Variants in MICAL3 observed in about 807,000 individuals in gnomAD.
MICAL3 encodes [F-actin]-monooxygenase MICAL3.
A neutral mutation model predicts 207.4 loss-of-function variants in MICAL3; 62 were observed. The ratio of observed to expected loss-of-function variants is 0.30; its 90% CI spans 0.24 to 0.37. MICAL3 has a LOEUF of 0.37. MICAL3 is among the 10% of genes least tolerant of loss of function. The pLI is 1.00. For missense variants in MICAL3, 2,368 were observed against 2,635.6 expected (o/e 0.90, Z 2.22); for synonymous variants, 1,077 against 1,069.3 (o/e 1.01, Z -0.14).
intron 1 of MICAL3, among the ~76,000 whole-genome samples, chr22:17,929,797 A>G (rs1161172077): frequency 6.6e-6 from 1 of 151,884 alleles, no homozygotes; most frequent in Non-Finnish European, 1.5e-5. Context: ...CGAACTCCTG[A>G]CCTCAGGTGA....
chr22:17,865,031 A>G (rs766812331), intron 18 of MICAL3, 45 bp from the exon 19 acceptor site: 1 of 1,557,102 alleles, frequency 6.4e-7, no homozygotes, highest in South Asian at 1.2e-5. Context: ...TGACTGATGC[A>G]CTCAAATCCT....
chr22:17,995,885 G>A (rs958261112), intron 1 of MICAL3, among the ~76,000 whole-genome samples: 22 of 152,002 alleles, frequency 1.4e-4, no homozygotes, highest in South Asian at 8.3e-4. Flanking sequence ...ATGGGGCCAG[G>A]CATGGTGGCT....
rs1163470691 is a variant in MICAL3, at chr22:17,793,339, A to C, written c.5651-2038T>G. 6.6e-6 allele frequency among the ~76,000 whole-genome samples: 1 copy of C among 152,140 alleles called. No individual in the cohort carries two copies. Among genetic ancestry groups the C allele is most frequent in the Non-Finnish European group, 1.5e-5 (1 of 68,012 alleles). On this transcript the variant is annotated intron_variant, in intron 29 of 31. Coordinates refer to ENST00000441493, the MANE Select transcript of MICAL3 (RefSeq NM_015241.3). The surrounding 1 kb of genome is among the most constrained non-coding windows in gnomAD (Gnocchi z 4.1). Reference sequence around the variant, plus strand: ...AAGGGGCCCGAGGGCACTGGTGTAGATCAGTCTTTGTAAGGACAGTATTCC... The same window carrying C: ...AAGGGGCCCGAGGGCACTGGTGTAGCTCAGTCTTTGTAAGGACAGTATTCC...
At chr22:17,916,055 C>CAAAAAAAAA (rs755146574) in intron 1 of MICAL3, among the ~76,000 whole-genome samples, 3 of 57,828 alleles carry the variant, frequency 5.2e-5, no homozygotes, top group African/African-American at 1.0e-4. Context: ...GATCCAGTCT[C>CAAAAAAAAA]AAAAAAAAAA....
At position 17,817,490 on chromosome 22, in the gene MICAL3, G is replaced by A. The variant is rs764459530; in HGVS notation, c.5171C>T (p.Pro1724Leu). Residue 1724 changes from proline (P) to leucine (L), a missense_variant, in exon 26 of 32, where the codon CCC (proline) becomes CTC (leucine). Physicochemically the swap from Pro to Leu is moderately conservative, Grantham distance 98 (BLOSUM62 -3). This residue lies in a region of MICAL3 where 1,770 missense variants were observed against 1,863.2 expected (regional missense o/e 0.95). Transcript: ENST00000441493. ...GGCTTCTTCTAGGAGGTTGGAGCTG[G>A]GCTTCTCCGGGGGCCGGCCCTCGCC... ...SKGEGRPPEK[P>L]SSNLLEEAAA... The A allele has an allele frequency of 2.5e-6, 4 of 1,613,746 alleles. No homozygotes were observed. Among genetic ancestry groups the A allele is most frequent in the South Asian group, 2.2e-5 (2 of 91,072 alleles).
intron 15 of MICAL3, 128 bp from the exon 16 acceptor site, chr22:17,886,179 G>T: frequency 1.0e-6 from 1 of 956,760 alleles, no homozygotes; most frequent in Non-Finnish European, 1.6e-6. Context: ...CAAGGTTCCC[G>T]TGTCCACACA....
chr22:17,892,430 C>T (rs1299650854), intron 11 of MICAL3, among the ~76,000 whole-genome samples: 3 of 152,210 alleles, frequency 2.0e-5, no homozygotes, highest in Admixed American at 2.0e-4. Flanking sequence ...TTACCGAGGG[C>T]AACTGAAGTT....
At chr22:17,969,678 G>T (rs1243579587) in intron 1 of MICAL3, among the ~76,000 whole-genome samples, 2 of 152,208 alleles carry the variant, frequency 1.3e-5, no homozygotes, top group Non-Finnish European at 2.9e-5. Flanking sequence ...AACTTATTTT[G>T]GGACTTTGGA....
chr22:17,850,903 C>T (rs909250954), intron 19 of MICAL3, among the ~76,000 whole-genome samples: 5 of 152,158 alleles, frequency 3.3e-5, no homozygotes, highest in African/African-American at 4.8e-5. Flanking sequence ...CTCCTGAAAA[C>T]GTATTTTTCA....
chr22:18,003,158 T>TC (rs1310668150), intron 1 of MICAL3, among the ~76,000 whole-genome samples: 3 of 122,180 alleles, frequency 2.5e-5, no homozygotes, highest in Admixed American at 1.7e-4. Flanking sequence ...AGACTCCATC[T>TC]CAAAAAAAAA....
intron 27 of MICAL3, chr22:17,812,738 T>C (rs559442434): frequency 5.8e-6 from 1 of 171,546 alleles, no homozygotes; most frequent in East Asian, 1.9e-4. Flanking sequence ...GGTAGGAATC[T>C]GGGTGTGAAG....
Position 17,867,532 on chromosome 22 carries a change from C to T in MICAL3, c.2429-1520G>A, listed in dbSNP as rs369823501. ...TCTCATTCTTTAAGAAATACCCCTC[C>T]TTCCTCCATGAGACTGACAGGGGCT... On this transcript the variant is annotated intron_variant, in intron 17 of 31. Coordinates refer to ENST00000441493, the MANE Select transcript of MICAL3 (RefSeq NM_015241.3). Among the ~76,000 whole-genome samples the T allele has an allele frequency of 3.2e-4, 49 of 152,360 alleles. No individual in the cohort carries two copies. The South Asian group carries it at 8.5e-3, about 26-fold the overall frequency.
intron 19 of MICAL3, among the ~76,000 whole-genome samples, chr22:17,843,425 G>C (rs1924276723): frequency 6.6e-6 from 1 of 152,080 alleles, no homozygotes; most frequent in African/African-American, 2.4e-5. Context: ...GGTGGAGGCG[G>C]GCAACCCCAG....
At chr22:17,836,647 G>GC (rs1923405144) in intron 20 of MICAL3, among the ~76,000 whole-genome samples, 1 of 141,870 alleles carries the variant, frequency 7.0e-6, no homozygotes, top group East Asian at 2.0e-4. Flanking sequence ...TTCCTGGGTG[G>GC]TTTTTTTTTT....
chr22:17,791,551 C>T, intron 29 of MICAL3: 6 of 550,948 alleles, frequency 1.1e-5, no homozygotes, highest in Non-Finnish European at 3.3e-6. Context: ...CTTGCCCTCC[C>T]CGGGGCTGGT....
Position 17,796,324 on chromosome 22 carries a change from A to G in MICAL3, c.5651-5023T>C, listed in dbSNP as rs1467888542. 6.6e-6 allele frequency among the ~76,000 whole-genome samples: 1 copy of G among 152,192 alleles called. No homozygotes were observed. The highest frequency in any genetic ancestry group is 1.5e-5 in the Non-Finnish European group (1 of 68,018). ...GGCGGGCAGGCAGTGCCTGTCACCA[A>G]ATTTCAAAAAGCAACAGTACACCAC... On this transcript the variant is annotated intron_variant, in intron 29 of 31. Transcript: ENST00000441493. This position sits in a 1 kb window ranked among gnomAD's most constrained non-coding sequence, Gnocchi z 4.4.
intron 1 of MICAL3, among the ~76,000 whole-genome samples, chr22:18,012,382 C>T (rs533410048): frequency 6.6e-6 from 1 of 152,340 alleles, no homozygotes; most frequent in Admixed American, 6.5e-5. Flanking sequence ...GTTGACTCTA[C>T]TGGGCCTCAG....
chr22:17,822,847 G>A, intron 23 of MICAL3, 100 bp downstream of exon 23: 3 of 679,646 alleles, frequency 4.4e-6, no homozygotes, highest in South Asian at 3.7e-5. Context: ...GGAACCAGGA[G>A]GCCCAACGGC....
At chr22:17,798,873 C>G (rs2061906527) in intron 29 of MICAL3, among the ~76,000 whole-genome samples, 1 of 151,734 alleles carries the variant, frequency 6.6e-6, no homozygotes, top group South Asian at 2.1e-4. Context: ...TGGGGTTTCA[C>G]CATGTTAGCC....
Sources: gnomAD v4.1 joint callset for allele counts (sites outside exome capture counted in the v4.1 genomes callset) on GRCh38, gnomAD v4.1.1 for gene constraint, gnomAD v4.1.1 regional missense constraint, Gnocchi (gnomAD v3.1) non-coding constraint, MANE v1.5 for transcripts, NCBI Gene and HGNC (gene_info 2026-07-23, HGNC 2026-07-21) for gene names.